Variants in DGKB observed in about 807,000 individuals in gnomAD.
DGKB encodes the protein 90 kDa diacylglycerol kinase.
A neutral mutation model predicts 114.3 loss-of-function variants in DGKB; 67 were observed. The ratio of observed to expected loss-of-function variants is 0.59; its 90% CI spans 0.48 to 0.72. DGKB has a LOEUF of 0.72. DGKB is among the 30% of genes least tolerant of loss of function. The pLI is 0.00. For synonymous variants in DGKB, 398 were observed against 323.1 expected (o/e 1.23, Z -2.49); for missense variants, 907 against 975.2 (o/e 0.93, Z 0.93).
At chr7:14,542,214 C>T (rs934406073) in intron 20 of DGKB, among the ~76,000 whole-genome samples, 1 of 151,984 alleles carries the variant, frequency 6.6e-6, no homozygotes, top group African/African-American at 2.4e-5. Flanking sequence ...GAAACACAGT[C>T]TTGCTAGTTG....
intron 22 of DGKB, among the ~76,000 whole-genome samples, chr7:14,345,065 G>A (rs1191550040): frequency 6.6e-6 from 1 of 151,486 alleles, no homozygotes; most frequent in Non-Finnish European, 1.5e-5. Flanking sequence ...CCAAAGTTGT[G>A]TTCCACTTCT....
intron 8 of DGKB, among the ~76,000 whole-genome samples, chr7:14,695,478 T>TTC (rs1164986639): frequency 2.7e-4 from 38 of 139,028 alleles, no homozygotes; most frequent in Non-Finnish European, 3.7e-4. Context: ...AAATGTTCAT[T>TTC]TCTCTCTCTC....
At chr7:14,776,929 C>G (rs79451448) in intron 2 of DGKB, among the ~76,000 whole-genome samples, 1,597 of 152,258 alleles carry the variant, frequency 0.01, 13 homozygotes, top group African/African-American at 0.036. Context: ...GCTATGAAAT[C>G]AGCCAGGAGG....
intron 1 of DGKB, among the ~76,000 whole-genome samples, chr7:14,916,312 G>A (rs1784237856): frequency 6.6e-6 from 1 of 151,914 alleles, no homozygotes; most frequent in Non-Finnish European, 1.5e-5. Context: ...AGTGCAATGT[G>A]TAAGAAGTTA....
chr7:14,757,624 C>T (rs775142603), intron 3 of DGKB, 31 bp downstream of exon 3: 22 of 1,298,224 alleles, frequency 1.7e-5, no homozygotes, highest in South Asian at 5.0e-5. Flanking sequence ...AGCATATATA[C>T]GAAACTGATA....
chr7:14,170,150 AAAGAAAGAAAGAAAGAAAGAAAG>A (rs1780707969), intron 25 of DGKB, among the ~76,000 whole-genome samples: 1 of 29,878 alleles, frequency 3.3e-5, no homozygotes, highest in Non-Finnish European at 5.4e-5. Context: ...AAAAAAAAAG[AAAGAAAGAAAGAAAGAAAGAAAG>A]AAAGAAAGAA....
At chr7:14,927,547 A>T (rs982209043) in intron 1 of DGKB, among the ~76,000 whole-genome samples, 1 of 152,028 alleles carries the variant, frequency 6.6e-6, no homozygotes, top group African/African-American at 2.4e-5. Flanking sequence ...GCAAACTCCT[A>T]CACAAATCTG....
intron 23 of DGKB, among the ~76,000 whole-genome samples, chr7:14,294,009 C>G (rs968416312): frequency 6.6e-6 from 1 of 152,126 alleles, no homozygotes; most frequent in African/African-American, 2.4e-5. Context: ...AGGTCTCTCT[C>G]GGCTAAAATC....
At chr7:14,348,002 A>G (rs1168622123) in intron 21 of DGKB, among the ~76,000 whole-genome samples, 2 of 152,050 alleles carry the variant, frequency 1.3e-5, no homozygotes, top group African/African-American at 2.4e-5. Context: ...AGAGGAGTCC[A>G]ATGTGCCCAT....
intron 2 of DGKB, among the ~76,000 whole-genome samples, chr7:14,812,230 A>G (rs998230122): frequency 1.8e-4 from 27 of 152,150 alleles, no homozygotes; most frequent in Admixed American, 7.9e-4. Context: ...AGTTATTATG[A>G]ATAATGCTGC....
chr7:14,763,566 G>A (rs77360220), intron 2 of DGKB, among the ~76,000 whole-genome samples: 1,850 of 151,986 alleles, frequency 0.012, 18 homozygotes, highest in Non-Finnish European at 0.021. Flanking sequence ...ACCCATTCTC[G>A]TCACTTTGGA....
intron 21 of DGKB, among the ~76,000 whole-genome samples, chr7:14,371,007 A>G (rs1817540608): frequency 1.3e-5 from 2 of 152,236 alleles, no homozygotes; most frequent in South Asian, 2.1e-4. Flanking sequence ...CATTCTTTTT[A>G]TCACTGCATA....
rs527793469 is a variant in DGKB, at chr7:14,282,810, C to A, written c.2122+55705G>T. On this transcript the variant is annotated intron_variant, in intron 23 of 25. Coordinates refer to ENST00000402815, the MANE Select transcript of DGKB (RefSeq NM_001350709.2). ...AGAAAAGGCCTTTGACAAAATTCAA[C>A]AACCTTTCATGCTAAAAACGCTCAA... is the stretch of plus-strand genomic sequence containing the variant. Among the ~76,000 whole-genome samples, 171 of 152,272 alleles carry A rather than the reference C, an allele frequency of 1.1e-3. 3 individuals are homozygous for A. The highest frequency in any genetic ancestry group is 4.0e-3 in the African/African-American group (168 of 41,550).
At chr7:14,198,913 C>T (rs1048801360) in intron 23 of DGKB, among the ~76,000 whole-genome samples, 9 of 151,998 alleles carry the variant, frequency 5.9e-5, no homozygotes, top group African/African-American at 2.2e-4. Context: ...TTTGGTACAG[C>T]TATGCTGAAG....
At chr7:14,853,605 G>A (rs1000006747) in intron 1 of DGKB, among the ~76,000 whole-genome samples, 4 of 151,544 alleles carry the variant, frequency 2.6e-5, no homozygotes, top group East Asian at 3.9e-4. Context: ...AGTGGCTCAC[G>A]CCTGTAATTG....
At chr7:14,717,145 G>A (rs951097414) in intron 6 of DGKB, among the ~76,000 whole-genome samples, 3 of 152,128 alleles carry the variant, frequency 2.0e-5, no homozygotes, top group South Asian at 4.1e-4. Flanking sequence ...TGGGTTCAAG[G>A]ATGCACATGG....
At chr7:14,848,618 C>T (rs1281215490) in intron 1 of DGKB, among the ~76,000 whole-genome samples, 1 of 152,186 alleles carries the variant, frequency 6.6e-6, no homozygotes, top group Non-Finnish European at 1.5e-5. Flanking sequence ...ATAGAACTTG[C>T]CATTCAGGGC....
At chr7:14,598,892 C>T (rs1314396008) in intron 17 of DGKB, among the ~76,000 whole-genome samples, 1 of 152,118 alleles carries the variant, frequency 6.6e-6, no homozygotes, top group Non-Finnish European at 1.5e-5. Context: ...ACAGGCATTT[C>T]TGATTGGTAT....
At chr7:14,829,743 G>A (rs1846165818) in intron 2 of DGKB, among the ~76,000 whole-genome samples, 1 of 152,112 alleles carries the variant, frequency 6.6e-6, no homozygotes, top group African/African-American at 2.4e-5. Flanking sequence ...CTATGATTAT[G>A]GCAGCCAATA....
Sources: gnomAD v4.1 joint callset for allele counts (sites outside exome capture counted in the v4.1 genomes callset) on GRCh38, gnomAD v4.1.1 for gene constraint, MANE v1.5 for transcripts, NCBI Gene and HGNC (gene_info 2026-07-23, HGNC 2026-07-21) for gene names.